Variants in USH2A observed in about 807,000 individuals in gnomAD.
USH2A encodes the protein Usher syndrome 2A (autosomal recessive, mild).
In USH2A, 443 loss-of-function variants were observed where a neutral mutation model predicts 538.9. The ratio of observed to expected loss-of-function variants is 0.82; its 90% confidence interval spans 0.76 to 0.89. The LOEUF (loss-of-function observed/expected upper bound fraction) is 0.89. Among genes scored for constraint, USH2A ranks in the 40% least tolerant of loss-of-function variants. The pLI is 0.00. For missense variants in USH2A, 6,633 were observed against 6,324.8 expected, an observed-to-expected ratio of 1.05 and a Z score of -1.65; for synonymous variants, 2,413 against 2,273.5, an observed-to-expected ratio of 1.06 and a Z score of -1.75.
At chr1:215,748,041 G>A (rs1164083764) in intron 58 of USH2A, among the ~76,000 whole-genome samples, 5 of 151,874 alleles carry the variant, frequency 3.3e-5, no homozygotes, top group African/African-American at 4.8e-5. Flanking sequence ...ACAGGCGCCC[G>A]CCACCGCGCC....
intron 3 of USH2A, among the ~76,000 whole-genome samples, chr1:216,389,065 A>G (rs1244598087): frequency 6.6e-6 from 1 of 152,220 alleles, no homozygotes; most frequent in Non-Finnish European, 1.5e-5. Flanking sequence ...CATTTCTGGA[A>G]GAGCTAGTGT....
intron 30 of USH2A, among the ~76,000 whole-genome samples, chr1:216,050,562 T>C (rs1306214172): frequency 1.6e-4 from 5 of 31,674 alleles, no homozygotes; most frequent in African/African-American, 4.9e-4. Context: ...TTGTATCTTT[T>C]TCTTTCTTTC....
chr1:216,278,383 C>A (rs778326910), intron 11 of USH2A, among the ~76,000 whole-genome samples: 9 of 152,170 alleles, frequency 5.9e-5, no homozygotes, highest in Non-Finnish European at 1.0e-4. Flanking sequence ...ACCTTCCTAT[C>A]CAGCTAAGAT....
At chr1:216,395,342 C>CA (rs2039192802) in intron 3 of USH2A, among the ~76,000 whole-genome samples, 1 of 152,058 alleles carries the variant, frequency 6.6e-6, no homozygotes, top group Admixed American at 6.6e-5. Context: ...GTTCACACTC[C>CA]AAAAAATATA....
intron 4 of USH2A, among the ~76,000 whole-genome samples, chr1:216,334,171 T>TA (rs1558042533): frequency 6.6e-6 from 1 of 152,030 alleles, no homozygotes. Flanking sequence ...GCATCCAATG[T>TA]AAAAAATCTC....
chr1:215,660,147 C>T (rs952543205), intron 64 of USH2A, among the ~76,000 whole-genome samples: 2 of 152,140 alleles, frequency 1.3e-5, no homozygotes, highest in African/African-American at 2.4e-5. Context: ...TCTTAAGGTT[C>T]GAATTTGAGT....
intron 40 of USH2A, among the ~76,000 whole-genome samples, chr1:215,892,529 A>C (rs1372030121): frequency 6.6e-6 from 1 of 152,170 alleles, no homozygotes; most frequent in Non-Finnish European, 1.5e-5. Flanking sequence ...TAACAGAATA[A>C]TGGATTCTAT....
intron 32 of USH2A, among the ~76,000 whole-genome samples, chr1:216,023,679 T>C (rs1668898180): frequency 6.6e-6 from 1 of 152,014 alleles, no homozygotes; most frequent in Non-Finnish European, 1.5e-5. Flanking sequence ...GCTATATTTA[T>C]GCACATCGAA....
intron 15 of USH2A, among the ~76,000 whole-genome samples, chr1:216,209,730 G>C (rs1225218447): frequency 6.6e-6 from 1 of 152,106 alleles, no homozygotes; most frequent in Non-Finnish European, 1.5e-5. Flanking sequence ...AACACAATAA[G>C]CCTATCTTTT....
At chr1:215,814,065 G>T (rs538874464) in intron 48 of USH2A, among the ~76,000 whole-genome samples, 161 bp from the exon 49 acceptor site, 1 of 151,236 alleles carries the variant, frequency 6.6e-6, no homozygotes, top group African/African-American at 2.4e-5. Flanking sequence ...AGGATCATTC[G>T]AATTTTATAA....
chr1:216,083,184 T>G (rs185844656), intron 26 of USH2A, among the ~76,000 whole-genome samples: 1 of 152,192 alleles, frequency 6.6e-6, no homozygotes, highest in Admixed American at 6.5e-5. Context: ...TTTTCATATC[T>G]TAAGATACTA....
chr1:215,878,730 C>T (rs2102451522), intron 42 of USH2A, 34 bp downstream of exon 42: 3 of 1,602,516 alleles, frequency 1.9e-6, no homozygotes, highest in Non-Finnish European at 8.5e-7. Context: ...ATAAGGACTA[C>T]AGCAACATAA....
chr1:216,224,032 T>G (rs1430902771), intron 14 of USH2A, among the ~76,000 whole-genome samples: 1 of 152,208 alleles, frequency 6.6e-6, no homozygotes, highest in East Asian at 1.9e-4. Context: ...CTACCCTCTA[T>G]GGACAACTTC....
At chr1:215,755,396 C>G (rs1027887897) in intron 58 of USH2A, among the ~76,000 whole-genome samples, 94 of 152,174 alleles carry the variant, frequency 6.2e-4, no homozygotes, top group African/African-American at 2.2e-3. Context: ...ACAATCTCCA[C>G]TTACAAATTT....
At chr1:215,724,246 C>T (rs201743325) in intron 61 of USH2A, among the ~76,000 whole-genome samples, 1 of 139,494 alleles carries the variant, frequency 7.2e-6, no homozygotes, top group Admixed American at 7.0e-5. Context: ...CACACACACA[C>T]ACAAACACAC....
chr1:216,309,017 G>A (rs1217505718), intron 9 of USH2A, among the ~76,000 whole-genome samples: 1 of 152,158 alleles, frequency 6.6e-6, no homozygotes, highest in African/African-American at 2.4e-5. Flanking sequence ...GAGCCAAATG[G>A]AAAAAGTTAA....
At chr1:216,390,619 G>C (rs370794901) in intron 3 of USH2A, among the ~76,000 whole-genome samples, 1 of 152,034 alleles carries the variant, frequency 6.6e-6, no homozygotes, top group African/African-American at 2.4e-5. Context: ...TTCTTGAAAT[G>C]GATAGTTTCA....
chr1:215,826,009 C>T lies in USH2A; in HGVS notation c.9372-8814G>A, dbSNP rs539766186. The stretch of plus-strand genomic sequence containing the variant: ...TCTTAAATTTGGCAGTCTGTATGAG[C>T]ATAGGAAATAAAGCTTACTTCTCAG... On this transcript the variant is annotated intron_variant, in intron 47 of 71. Coordinates refer to ENST00000307340, the MANE Select transcript of USH2A (RefSeq NM_206933.4). 1.2e-4 allele frequency among the ~76,000 whole-genome samples: 19 copies of T among 152,232 alleles called. No homozygotes were observed. The South Asian group carries it at 3.9e-3, about 32-fold the overall frequency.
In USH2A at chr1:216,086,729, C is replaced by A; in HGVS notation, c.4977G>T (p.Arg1659Ser). ...GGLPRSYTIL[R>S]KDPEIIQKGF... ...CCTTACTAAACTCACCAGGATCCTT[C>A]CTGAGGATGGTATAACTTCGCGGGA... The change falls in exon 24 of 72, where the codon AGG (arginine) becomes AGT (serine). Residue 1659 changes from arginine (R) to serine (S), a missense_variant. Transcript: ENST00000307340. The A allele has an allele frequency of 6.2e-7, 1 of 1,612,186 alleles. No homozygotes were observed. The highest frequency in any genetic ancestry group is 1.1e-5 in the South Asian group (1 of 91,022).
Sources: gnomAD v4.1 joint callset for allele counts (sites outside exome capture counted in the v4.1 genomes callset) on GRCh38, gnomAD v4.1.1 for gene constraint, MANE v1.5 for transcripts, NCBI Gene and HGNC (gene_info 2026-07-23, HGNC 2026-07-21) for gene names.